Variants in ASIC2 observed in about 807,000 individuals in gnomAD.
The protein encoded by ASIC2 is acid sensing ion channel subunit 2.
ASIC2 carries 25 observed loss-of-function variants against 57.3 expected under a neutral mutation model. The observed-to-expected ratio is 0.44, with a 90% CI of 0.32 to 0.61. ASIC2 has a LOEUF of 0.61. ASIC2 is among the 20% of genes least tolerant of loss of function. The pLI, the probability that ASIC2 is intolerant of heterozygous loss-of-function variation, is 0.06. For synonymous variants in ASIC2, 319 were observed against 307.5 expected (o/e 1.04, Z -0.39); for missense variants, 641 against 738.1 (o/e 0.87, Z 1.52).
At chr17:33,803,266 A>T (rs1391438243) in intron 1 of ASIC2, among the ~76,000 whole-genome samples, 1 of 150,214 alleles carries the variant, frequency 6.7e-6, no homozygotes, top group Non-Finnish European at 1.5e-5. Flanking sequence ...ACACATAAAC[A>T]TGGTTCTTCA....
chr17:33,920,529 G>A (rs900108059), intron 1 of ASIC2, among the ~76,000 whole-genome samples: 7 of 152,072 alleles, frequency 4.6e-5, no homozygotes, highest in Non-Finnish European at 8.8e-5. Flanking sequence ...TACAAAGGTG[G>A]GAACAATAGA....
chr17:33,706,500 A>C (rs997320734), intron 1 of ASIC2, among the ~76,000 whole-genome samples: 3 of 152,052 alleles, frequency 2.0e-5, no homozygotes, highest in Non-Finnish European at 4.4e-5. Context: ...CTGGGATTAC[A>C]AGTATCAGCC....
intron 1 of ASIC2, among the ~76,000 whole-genome samples, chr17:33,156,152 G>A (rs1368547515): frequency 6.7e-6 from 1 of 149,454 alleles, no homozygotes; most frequent in South Asian, 2.1e-4. Context: ...TTTTTTAACC[G>A]AGTCTCACTC....
At chr17:33,105,393 C>G (rs563186101) in intron 2 of ASIC2, among the ~76,000 whole-genome samples, 14 of 152,312 alleles carry the variant, frequency 9.2e-5, no homozygotes, top group African/African-American at 3.4e-4. Context: ...CCTCCTTCAC[C>G]TTCTGCCATG....
At chr17:33,306,958 G>GC (rs957552030) in intron 1 of ASIC2, among the ~76,000 whole-genome samples, 9 of 151,922 alleles carry the variant, frequency 5.9e-5, no homozygotes, top group African/African-American at 2.2e-4. Context: ...CTGTCCTTTT[G>GC]CCCCAGTGTA....
chr17:33,292,130 G>C lies in ASIC2; in HGVS notation c.-15C>G. The C allele has an allele frequency of 9.6e-7, 1 of 1,036,808 alleles. No individual in the cohort carries two copies. Among genetic ancestry groups the C allele is most frequent in the Non-Finnish European group, 1.2e-6 (1 of 865,526 alleles). The allele number at this position is 1,036,808 out of a possible 1,614,324, so 64.2% of individuals were successfully genotyped here. On this transcript the variant is annotated 5_prime_UTR_variant, in exon 1 of 10. Coordinates refer to ENST00000225823, the MANE Select transcript of ASIC2 (RefSeq NM_183377.2). ...ATCCGGCTCATTCATTCAGCCCGCG[G>C]CTGGCGGCAGCGGCGGCGGCCCCGG...
intron 3 of ASIC2, among the ~76,000 whole-genome samples, chr17:33,037,464 A>G (rs1381220185): frequency 7.2e-6 from 1 of 138,780 alleles, no homozygotes; most frequent in Non-Finnish European, 1.5e-5. Flanking sequence ...CTGGTTCATC[A>G]TTTGCTCCAT....
At chr17:34,073,597 G>A (rs1037460672) in intron 1 of ASIC2, among the ~76,000 whole-genome samples, 8 of 152,300 alleles carry the variant, frequency 5.3e-5, no homozygotes, top group Admixed American at 3.9e-4. Context: ...AAGTATCGGG[G>A]ACCCATAATG....
chr17:33,337,395 G>A (rs1432389967), intron 1 of ASIC2, among the ~76,000 whole-genome samples: 1 of 150,846 alleles, frequency 6.6e-6, no homozygotes, highest in Non-Finnish European at 1.5e-5. Flanking sequence ...TTGCCCAAAG[G>A]CATGTAATAG....
Position 33,678,712 on chromosome 17 carries a change from C to G in ASIC2, c.555+477266G>C, listed in dbSNP as rs541511104. Among the ~76,000 whole-genome samples the G allele has an allele frequency of 2.0e-4, 30 of 152,218 alleles. No individual in the cohort carries two copies. In the South Asian group the frequency reaches 2.5e-3, roughly 13 times the overall value. On this transcript the variant is annotated intron_variant, in intron 1 of 9. Coordinates refer to the ASIC2 transcript ENST00000359872. ...GGTTCGGTGAGGAGTTTGGCCCTGT[C>G]CAGAAGGCTCTGTACCAGGTGCACA...
intron 1 of ASIC2, among the ~76,000 whole-genome samples, chr17:33,365,850 G>T (rs957052314): frequency 2.0e-5 from 3 of 152,230 alleles, no homozygotes; most frequent in Non-Finnish European, 4.4e-5. Flanking sequence ...TTTATTTAAA[G>T]TTTAATTATA....
intron 1 of ASIC2, among the ~76,000 whole-genome samples, chr17:33,521,124 C>T (rs1914727412): frequency 6.6e-6 from 1 of 152,108 alleles, no homozygotes; most frequent in African/African-American, 2.4e-5. Flanking sequence ...GGCGAACTGG[C>T]AGATTAGGTC....
At chr17:33,729,591 T>A (rs1330048652) in intron 1 of ASIC2, among the ~76,000 whole-genome samples, 1 of 152,178 alleles carries the variant, frequency 6.6e-6, no homozygotes, top group Non-Finnish European at 1.5e-5. Flanking sequence ...CAGAGCCAGA[T>A]TCTAGAGGGC....
At chr17:33,929,163 G>A (rs1315617161) in intron 1 of ASIC2, among the ~76,000 whole-genome samples, 1 of 152,152 alleles carries the variant, frequency 6.6e-6, no homozygotes, top group Admixed American at 6.5e-5. Flanking sequence ...AGAATCTGCA[G>A]GAGACTGGCT....
intron 1 of ASIC2, among the ~76,000 whole-genome samples, chr17:34,102,725 C>T (rs1176973307): frequency 6.6e-6 from 1 of 152,194 alleles, no homozygotes; most frequent in Non-Finnish European, 1.5e-5. Flanking sequence ...TTTTCCCATT[C>T]ATGAGTATTG....
intron 1 of ASIC2, among the ~76,000 whole-genome samples, chr17:34,049,495 A>G (rs1393758922): frequency 1.3e-5 from 2 of 151,650 alleles, no homozygotes; most frequent in African/African-American, 4.8e-5. Context: ...CTGCTCTCAC[A>G]TTGTCCTTCT....
chr17:34,117,545 G>C (rs1027890572), intron 1 of ASIC2, among the ~76,000 whole-genome samples: 1 of 152,236 alleles, frequency 6.6e-6, no homozygotes, highest in African/African-American at 2.4e-5. Flanking sequence ...GGTACCAGGA[G>C]AGGTAACCTA....
chr17:34,041,913 C>G (rs778982731), intron 1 of ASIC2, among the ~76,000 whole-genome samples: 30 of 152,122 alleles, frequency 2.0e-4, no homozygotes, highest in Non-Finnish European at 4.1e-4. Context: ...CCCTTATGAC[C>G]AAGGAATTAT....
intron 1 of ASIC2, among the ~76,000 whole-genome samples, chr17:33,333,952 C>T (rs1386070572): frequency 6.6e-6 from 1 of 152,234 alleles, no homozygotes; most frequent in South Asian, 2.1e-4. Flanking sequence ...AGGAAGATGC[C>T]TCTTCAGTGG....
Sources: allele counts gnomAD v4.1 joint callset (sites outside exome capture counted in the v4.1 genomes callset), GRCh38; gene constraint gnomAD v4.1.1; transcripts MANE v1.5; gene names NCBI Gene and HGNC (gene_info 2026-07-23, HGNC 2026-07-21).